The following PGBD2 variants were observed in gnomAD, a reference collection of about 807,000 sequenced individuals.
PGBD2 encodes piggyBac transposable element derived 2.
PGBD2 carries 6 observed loss-of-function variants against 8.1 expected under a neutral mutation model. That is an observed-to-expected ratio of 0.74 (90% confidence interval 0.40 to 1.46). The LOEUF is 1.46. Ranked by LOEUF, PGBD2 falls within the 40% of genes most tolerant of loss-of-function variation. The pLI, the probability that PGBD2 is intolerant of heterozygous loss-of-function variation, is 0.02. For synonymous variants in PGBD2, 318 were observed against 272.2 expected (o/e 1.17, Z -1.66); for missense variants, 802 against 739.0 (o/e 1.09, Z -0.99).
the PGBD2 span, among the ~76,000 whole-genome samples, chr1:248,882,840 A>G: frequency 6.6e-6 from 1 of 152,120 alleles, no homozygotes; most frequent in Admixed American, 6.5e-5. Context: ...TCTTTACACA[A>G]TCCTGCATGC....
chr1:248,873,838 G>A, the PGBD2 span, among the ~76,000 whole-genome samples: 3 of 152,382 alleles, frequency 2.0e-5, no homozygotes, highest in Admixed American at 6.5e-5. Context: ...TAAGTGAGAA[G>A]CGCTCTGCTT....
chr1:248,917,730 T>C lies in PGBD2; in HGVS notation c.1146T>C (p.Cys382=), dbSNP rs1662161562. 6.2e-7 allele frequency: 1 copy of C among 1,614,016 alleles called. No individual in the cohort carries two copies. The highest frequency in any genetic ancestry group is 1.3e-5 in the African/African-American group (1 of 74,890). ...GTVREYRTER[C]PLKDPKELKK... ...TTCGTGAGTACAGGACTGAGCGATG[T>C]CCCCTAAAAGACCCCAAAGAACTGA... Residue 382 remains cysteine (C), a synonymous_variant, in exon 3 of 3, where the codon TGT becomes TGC. Transcript: ENST00000329291.
chr1:248,923,290 G>C (rs985288922), downstream of PGBD2, among the ~76,000 whole-genome samples: 5 of 152,164 alleles, frequency 3.3e-5, no homozygotes, highest in Non-Finnish European at 5.9e-5. Flanking sequence ...ATTTCTGGGG[G>C]ATCAGTGGTG....
At chr1:248,883,283 C>T in the PGBD2 span, among the ~76,000 whole-genome samples, 1 of 151,968 alleles carries the variant, frequency 6.6e-6, no homozygotes, top group Non-Finnish European at 1.5e-5. Flanking sequence ...GCCACTACGC[C>T]TGGCTAATTT....
chr1:248,916,872 G>T lies in PGBD2; in HGVS notation c.288G>T (p.Gln96His), dbSNP rs1333340403. Residue 96 changes from glutamine to histidine, a missense_variant, in exon 3 of 3, where the codon CAG becomes CAT. Gln to His is a conservative substitution (Grantham distance 24). Transcript: ENST00000329291. ...AGGATAATGACGACCTGGAGCTGCAGCCAGCCAAGAAGAGGCAGAAAGCAG... is the reference window on the plus strand; with the variant it reads ...AGGATAATGACGACCTGGAGCTGCATCCAGCCAAGAAGAGGCAGAAAGCAG... Reference protein sequence around the residue: ...TGEDNDDLELQPAKKRQKAVV... With the variant: ...TGEDNDDLELHPAKKRQKAVV... 6.2e-7 allele frequency: 1 copy of T among 1,614,132 alleles called. No homozygotes were observed. The highest frequency in any genetic ancestry group is 1.1e-5 in the South Asian group (1 of 91,082).
At chr1:248,898,811 G>A in the PGBD2 span, among the ~76,000 whole-genome samples, 2 of 151,904 alleles carry the variant, frequency 1.3e-5, no homozygotes, top group African/African-American at 4.8e-5. Flanking sequence ...GACAAAAAAT[G>A]GCAAACTGGA....
downstream of PGBD2, among the ~76,000 whole-genome samples, chr1:248,924,774 G>A (rs1240221184): frequency 6.6e-6 from 1 of 152,210 alleles, no homozygotes; most frequent in Non-Finnish European, 1.5e-5. Flanking sequence ...AGCTGATGCA[G>A]ATACAGAAAC....
At chr1:248,874,968 A>C in the PGBD2 span, among the ~76,000 whole-genome samples, 1 of 152,152 alleles carries the variant, frequency 6.6e-6, no homozygotes. Flanking sequence ...ACAAATAGAT[A>C]GAGATAGGTA....
In PGBD2 at chr1:248,918,873, A is replaced by G. The variant is rs959676809; in HGVS notation, c.*510A>G. The G allele has an allele frequency of 1.2e-5, 2 of 167,052 alleles. No individual in the cohort carries two copies. The highest frequency in any genetic ancestry group is 2.9e-5 in the Non-Finnish European group (2 of 68,106). The allele number at this position is 167,052 out of a possible 1,614,324, so 10.3% of individuals were successfully genotyped here. A position where few individuals can be genotyped will look rare whatever the true frequency, so the allele number is the denominator to read the frequency against. ...TCAGAGGGCTAGAGGTGCAGATTTC[A>G]TATTTTCTTAATGAAAATATTTTCC... On this transcript the variant is annotated 3_prime_UTR_variant, in exon 3 of 3. Coordinates refer to ENST00000329291, the MANE Select transcript of PGBD2 (RefSeq NM_170725.3).
the PGBD2 span, among the ~76,000 whole-genome samples, chr1:248,929,677 TC>T: frequency 2.0e-5 from 3 of 152,190 alleles, no homozygotes; most frequent in African/African-American, 7.2e-5. Flanking sequence ...TCATCATTAG[TC>T]TTTTCCACCT....
At chr1:248,874,675 G>A in the PGBD2 span, among the ~76,000 whole-genome samples, 39 of 152,242 alleles carry the variant, frequency 2.6e-4, no homozygotes, top group Middle Eastern at 3.4e-3. Flanking sequence ...GGCGGGTCAG[G>A]GCCGGTCCTA....
the PGBD2 span, among the ~76,000 whole-genome samples, chr1:248,882,117 C>T: frequency 6.6e-6 from 1 of 152,102 alleles, no homozygotes; most frequent in Non-Finnish European, 1.5e-5. Context: ...GGCAGATCGG[C>T]AGGTTGAGAA....
At chr1:248,878,929 C>A in the PGBD2 span, among the ~76,000 whole-genome samples, 1 of 152,140 alleles carries the variant, frequency 6.6e-6, no homozygotes, top group African/African-American at 2.4e-5. Context: ...CCTATAAAAT[C>A]TATCTGTAGG....
the PGBD2 span, among the ~76,000 whole-genome samples, chr1:248,874,475 G>A: frequency 1.3e-5 from 2 of 152,192 alleles, no homozygotes; most frequent in Non-Finnish European, 2.9e-5. Flanking sequence ...GTTTATGCGC[G>A]CCGTATATGT....
chr1:248,878,456 C>T, the PGBD2 span, among the ~76,000 whole-genome samples: 1 of 152,246 alleles, frequency 6.6e-6, no homozygotes, highest in African/African-American at 2.4e-5. Context: ...GGATAACAGG[C>T]GTGAGCCACC....
chr1:248,918,400 G>T lies in PGBD2; in HGVS notation c.*37G>T. The stretch of plus-strand genomic sequence containing the variant: ...ATGCTTCTTTGGTTTATAATGAGAT[G>T]TTTACAGTTAAATACAGATGGCAGT... On this transcript the variant is annotated 3_prime_UTR_variant, in exon 3 of 3. Coordinates refer to ENST00000329291, the MANE Select transcript of PGBD2 (RefSeq NM_170725.3). 6.6e-7 allele frequency: 1 copy of T among 1,511,906 alleles called. No individual in the cohort carries two copies. Among genetic ancestry groups the T allele is most frequent in the South Asian group, 1.3e-5 (1 of 74,800 alleles). The allele number at this position is 1,511,906 out of a possible 1,614,324, so 93.7% of individuals were successfully genotyped here.
chr1:248,911,786 C>T lies in PGBD2; in HGVS notation c.-47-2030C>T, dbSNP rs1169697795. On this transcript the variant is annotated intron_variant, in intron 1 of 2. Transcript: ENST00000329291. ...CTCCCTCCCGGACGGGGTGGCTGGC[C>T]GGGCGCTCCCCCAGCAAATTTTAAA... Among the ~76,000 whole-genome samples, 11 of 151,854 alleles carry T rather than the reference C, an allele frequency of 7.2e-5. No individual in the cohort carries two copies. In the East Asian group the frequency reaches 9.7e-4, roughly 13 times the overall value.
At chr1:248,875,001 A>C in the PGBD2 span, among the ~76,000 whole-genome samples, 1 of 151,382 alleles carries the variant, frequency 6.6e-6, no homozygotes, top group South Asian at 2.1e-4. Flanking sequence ...TCCACTTGAA[A>C]GTTGAGATCT....
At chr1:248,879,509 C>T in the PGBD2 span, among the ~76,000 whole-genome samples, 2 of 152,168 alleles carry the variant, frequency 1.3e-5, no homozygotes, top group Non-Finnish European at 2.9e-5. Flanking sequence ...ATTCTCCTGC[C>T]TCAGCCTTCC....
Sources: gnomAD v4.1 joint callset for allele counts (sites outside exome capture counted in the v4.1 genomes callset) on GRCh38, gnomAD v4.1.1 for gene constraint, MANE v1.5 for transcripts, NCBI Gene and HGNC (gene_info 2026-07-23, HGNC 2026-07-21) for gene names.